TRAF3IP3: variants seen among roughly 807,000 people sequenced by gnomAD.
The protein encoded by TRAF3IP3 is TRAF3-interacting JNK-activating modulator.
In TRAF3IP3, 64 loss-of-function variants were observed where a neutral mutation model predicts 86.5. That is an observed-to-expected ratio of 0.74 (90% CI 0.60 to 0.91). The LOEUF is 0.91. Among genes scored for constraint, TRAF3IP3 ranks in the 40% least tolerant of loss-of-function variants. The pLI is 0.00. For synonymous variants in TRAF3IP3, 220 were observed against 243.9 expected (o/e 0.90, Z 0.91); for missense variants, 579 against 642.9 (o/e 0.90, Z 1.07).
chr1:209,772,745 T>G (rs538695845), intron 8 of TRAF3IP3, among the ~76,000 whole-genome samples: 1 of 152,342 alleles, frequency 6.6e-6, no homozygotes, highest in South Asian at 2.1e-4. Context: ...CCAGTCTTAT[T>G]CTTTCTTGTC....
intron 8 of TRAF3IP3, among the ~76,000 whole-genome samples, chr1:209,765,233 G>GAGAGAGA (rs1558013097): frequency 3.4e-5 from 3 of 87,966 alleles, no homozygotes; most frequent in East Asian, 3.3e-4. Context: ...GAGAGAGGAA[G>GAGAGAGA]GAAGGAAGGA....
intron 3 of TRAF3IP3, among the ~76,000 whole-genome samples, chr1:209,762,292 T>C (rs761502323): frequency 6.6e-6 from 1 of 152,108 alleles, no homozygotes; most frequent in Non-Finnish European, 1.5e-5. Context: ...ACTAATCCCA[T>C]TCATGAGGGC....
At chr1:209,757,731 G>A (rs1026831253) in intron 1 of TRAF3IP3, among the ~76,000 whole-genome samples, 3 of 152,086 alleles carry the variant, frequency 2.0e-5, no homozygotes, top group African/African-American at 7.2e-5. Context: ...ATCCAACATC[G>A]GCATAACAAG....
At chr1:209,771,580 G>A (rs1242930751) in intron 8 of TRAF3IP3, among the ~76,000 whole-genome samples, 63 of 137,152 alleles carry the variant, frequency 4.6e-4, no homozygotes, top group Non-Finnish European at 7.1e-4. Flanking sequence ...GGAAGTGTAC[G>A]TGTGCATGTG....
chr1:209,759,952 C>T, intron 2 of TRAF3IP3, 30 bp from the exon 3 acceptor site: 1 of 1,111,754 alleles, frequency 9.0e-7, no homozygotes. Context: ...TCTGACCCCT[C>T]CCCTTCTCCT....
chr1:209,762,350 T>C (rs187332084), intron 3 of TRAF3IP3, among the ~76,000 whole-genome samples, 165 bp from the exon 4 acceptor site: 14 of 152,340 alleles, frequency 9.2e-5, no homozygotes, highest in African/African-American at 3.4e-4. Flanking sequence ...CTCCTAATAC[T>C]ATCACATTGG....
intron 8 of TRAF3IP3, among the ~76,000 whole-genome samples, chr1:209,765,235 A>AGAGAGAG (rs1558013113): frequency 2.4e-5 from 2 of 82,274 alleles, no homozygotes; most frequent in East Asian, 1.0e-3. Flanking sequence ...GAGAGGAAGG[A>AGAGAGAG]AGGAAGGAAG....
chr1:209,768,131 CT>C, intron 8 of TRAF3IP3: 1 of 985,322 alleles, frequency 1.0e-6, no homozygotes, highest in Non-Finnish European at 1.2e-6. Context: ...TAGCCCCAAA[CT>C]GTGGTATCTG....
intron 8 of TRAF3IP3, among the ~76,000 whole-genome samples, chr1:209,771,403 G>C (rs2077515688): frequency 6.9e-6 from 1 of 145,754 alleles, no homozygotes; most frequent in Non-Finnish European, 1.5e-5. Flanking sequence ...GCATGTGCAT[G>C]TGAAGGTATG....
At chr1:209,775,551 G>A (rs907976114) in intron 10 of TRAF3IP3, 48 bp from the exon 11 acceptor site, 1 of 1,614,168 alleles carries the variant, frequency 6.2e-7, no homozygotes, top group Non-Finnish European at 8.5e-7. Context: ...AACAAGGGGA[G>A]CCAGCTGCAC....
At chr1:209,777,742 G>T in intron 12 of TRAF3IP3, 1 of 505,324 alleles carries the variant, frequency 2.0e-6, no homozygotes, top group Non-Finnish European at 3.5e-6. Flanking sequence ...CTCTGGGCCA[G>T]ATCACAGCTG....
intron 1 of TRAF3IP3, among the ~76,000 whole-genome samples, chr1:209,757,590 A>G (rs1380180633): frequency 6.6e-6 from 1 of 152,198 alleles, no homozygotes; most frequent in Non-Finnish European, 1.5e-5. Context: ...TGGGGCCAGC[A>G]TCCCCTCAAT....
At chr1:209,765,168 C>A (rs1485556947) in intron 8 of TRAF3IP3, among the ~76,000 whole-genome samples, 2 of 120,728 alleles carry the variant, frequency 1.7e-5, no homozygotes, top group Non-Finnish European at 3.2e-5. Flanking sequence ...GAGCAGGACT[C>A]TGAGAGACAG....
rs2077694306 is a variant in TRAF3IP3 at position 209,778,004 on chromosome 1, C to T, written c.1190-107C>T. ...GATAGAGCAACTTCCAATAGACACA[C>T]GTTAAAGACCATGACAAGACAGCAT... On this transcript the variant is annotated intron_variant, in intron 12 of 16. Transcript: ENST00000367025. 9.0e-6 allele frequency: 9 copies of T among 997,966 alleles called. No homozygotes were observed. The East Asian group carries it at 1.3e-4, about 14-fold the overall frequency. The allele number at this position is 997,966 out of a possible 1,614,324, so 61.8% of individuals were successfully genotyped here. A position where few individuals can be genotyped will look rare whatever the true frequency, so the allele number is the denominator to read the frequency against.
At chr1:209,779,143 T>C (rs748093024) in intron 13 of TRAF3IP3, 172 bp from the exon 14 acceptor site, 5 of 606,946 alleles carry the variant, frequency 8.2e-6, no homozygotes, top group South Asian at 6.1e-5. Context: ...AATAAGGTCA[T>C]TATTTAAGGT....
intron 1 of TRAF3IP3, chr1:209,758,790 C>T (rs2077197082): frequency 6.5e-6 from 1 of 153,214 alleles, no homozygotes; most frequent in African/African-American, 2.4e-5. Flanking sequence ...CAGGATCCAG[C>T]TCATCCAAAT....
Position 209,760,231 on chromosome 1 carries a change from G to A in TRAF3IP3, c.192G>A (p.Gln64=), listed in dbSNP as rs145395705. 1.9e-4 allele frequency: 309 copies of A among 1,614,136 alleles called. No individual in the cohort carries two copies. Among genetic ancestry groups the A allele is most frequent in the Non-Finnish European group, 2.4e-4 (279 of 1,180,060 alleles). Residue 64 remains glutamine, a synonymous_variant, in exon 3 of 17, where the codon CAG becomes CAA. Transcript: ENST00000367025. ...REQLQRARLQ[Q]FFRRRNLELE... is the part of the protein sequence containing the mutation. ...AGCTCCAGAGAGCTCGACTGCAGCA[G>A]TTCTTCAGGAGGAGGAACCTGGAGC...
At chr1:209,771,335 ATC>A (rs2077510893) in intron 8 of TRAF3IP3, among the ~76,000 whole-genome samples, 1 of 62,798 alleles carries the variant, frequency 1.6e-5, no homozygotes, top group Admixed American at 1.6e-4. Context: ...GTGGAGGTGT[ATC>A]TGTGCATGTG....
chr1:209,765,599 G>A (rs982238466), intron 8 of TRAF3IP3, among the ~76,000 whole-genome samples: 5 of 152,144 alleles, frequency 3.3e-5, no homozygotes, highest in East Asian at 1.9e-4. Context: ...TCCCAGGGGT[G>A]GAGGTTGCAG....
Sources: gnomAD v4.1 joint callset for allele counts (sites outside exome capture counted in the v4.1 genomes callset) on GRCh38, gnomAD v4.1.1 for gene constraint, MANE v1.5 for transcripts, NCBI Gene and HGNC (gene_info 2026-07-23, HGNC 2026-07-21) for gene names.